Variants in CFAP20DC observed in about 807,000 individuals in gnomAD.
CFAP20DC encodes protein CFAP20DC.
A neutral mutation model predicts 101.7 loss-of-function variants in CFAP20DC; 84 were observed. That is an observed-to-expected ratio of 0.83 (90% CI 0.69 to 0.99). CFAP20DC has a LOEUF of 0.99. Ranked by LOEUF, CFAP20DC falls within the 50% of genes least tolerant of loss-of-function variation. The pLI is 0.00. For missense variants in CFAP20DC, 1,007 were observed against 970.3 expected (o/e 1.04, Z -0.50); for synonymous variants, 359 against 351.2 (o/e 1.02, Z -0.25).
chr3:58,765,841 C>T (rs1180438541), intron 15 of CFAP20DC, among the ~76,000 whole-genome samples: 1 of 152,086 alleles, frequency 6.6e-6, no homozygotes, highest in African/African-American at 2.4e-5. Context: ...TTTTAAAAAT[C>T]TTTTATGGCC....
chr3:59,024,328 T>C (rs1233704859), intron 4 of CFAP20DC, among the ~76,000 whole-genome samples: 1 of 152,148 alleles, frequency 6.6e-6, no homozygotes, highest in Non-Finnish European at 1.5e-5. Flanking sequence ...TATTGTAATA[T>C]CTGGGCAATG....
chr3:58,740,821 C>A (rs1190677978), downstream of CFAP20DC, among the ~76,000 whole-genome samples: 1 of 152,122 alleles, frequency 6.6e-6, no homozygotes, highest in Non-Finnish European at 1.5e-5. This position sits in a 1 kb window ranked among gnomAD's most constrained non-coding sequence, Gnocchi z 4.6. Flanking sequence ...AAAGCAGAAA[C>A]AAGGCCTTCC....
At chr3:58,849,894 T>A (rs1392157136) in intron 12 of CFAP20DC, among the ~76,000 whole-genome samples, 1 of 152,192 alleles carries the variant, frequency 6.6e-6, no homozygotes, top group Non-Finnish European at 1.5e-5. Context: ...TTTTACCTTA[T>A]TGTAGGGCAG....
chr3:58,934,061 T>C (rs994841876), intron 5 of CFAP20DC, among the ~76,000 whole-genome samples: 1 of 151,990 alleles, frequency 6.6e-6, no homozygotes, highest in East Asian at 1.9e-4. Context: ...AAGAATCAAA[T>C]AGGTGGAATA....
chr3:58,864,140 G>A lies in CFAP20DC; in HGVS notation c.1259-248C>T, dbSNP rs1305108339. 2.0e-5 allele frequency among the ~76,000 whole-genome samples: 3 copies of A among 152,036 alleles called. No homozygotes were observed. Among genetic ancestry groups the A allele is most frequent in the Non-Finnish European group, 4.4e-5 (3 of 68,024 alleles). On this transcript the variant is annotated intron_variant, in intron 11 of 16. Transcript: ENST00000482387. The surrounding 1 kb of genome is among the most constrained non-coding windows in gnomAD (Gnocchi z 4.7). ...TGCCCGGCTAATTTTTGTATTTTTA[G>A]TAGAGATGGGGTTTCACCATGTTGG...
rs1224286679 is a variant in CFAP20DC at position 58,891,226 on chromosome 3, C to T, written c.551-6517G>A. 9.9e-4 allele frequency among the ~76,000 whole-genome samples: 144 copies of T among 145,390 alleles called. 1 individual carries two copies. Among genetic ancestry groups the T allele is most frequent in the South Asian group, 3.3e-3 (15 of 4,486 alleles). Reference sequence around the variant, plus strand: ...TCACTCGCGGTTAGGGGCTGGAGACCGGCCCGGCCAACACAGCGAAACCCC... The same window carrying T: ...TCACTCGCGGTTAGGGGCTGGAGACTGGCCCGGCCAACACAGCGAAACCCC... On this transcript the variant is annotated intron_variant, in intron 6 of 16. Transcript: ENST00000482387.
At chr3:58,752,415 G>A (rs932872128) in intron 16 of CFAP20DC, among the ~76,000 whole-genome samples, 11 of 152,124 alleles carry the variant, frequency 7.2e-5, no homozygotes, top group Non-Finnish European at 1.5e-4. Flanking sequence ...TACAATGGAA[G>A]TTCTGTTTAG....
intron 13 of CFAP20DC, among the ~76,000 whole-genome samples, chr3:58,839,310 G>C (rs2076947126): frequency 2.0e-5 from 3 of 152,154 alleles, no homozygotes; most frequent in Admixed American, 2.0e-4. Context: ...ACACTGCTTT[G>C]TCACAATTTA....
intron 14 of CFAP20DC, among the ~76,000 whole-genome samples, chr3:58,822,529 T>G (rs1453954551): frequency 6.6e-6 from 1 of 151,400 alleles, no homozygotes; most frequent in African/African-American, 2.4e-5. Context: ...ATGGCACATG[T>G]ATACATATGT....
rs896790248 is a variant in CFAP20DC, at chr3:58,729,687, A to G, written c.198-12059T>C. On this transcript the variant is annotated intron_variant, in intron 3 of 3. Transcript: ENST00000486145. This position sits in a 1 kb window ranked among gnomAD's most constrained non-coding sequence, Gnocchi z 4.4. The stretch of plus-strand genomic sequence containing the variant: ...TGTATAAGCTTTTTAGTTGTTCCCA[A>G]TGCAAGGCCTGGTCTATACCAAATT... Among the ~76,000 whole-genome samples, 2 of 152,128 alleles carry G rather than the reference A, an allele frequency of 1.3e-5. No homozygotes were observed. The highest frequency in any genetic ancestry group is 1.3e-4 in the Admixed American group (2 of 15,272).
At chr3:58,816,072 G>A (rs1156903140) in intron 14 of CFAP20DC, among the ~76,000 whole-genome samples, 4 of 151,798 alleles carry the variant, frequency 2.6e-5, no homozygotes. Flanking sequence ...TATATTTATT[G>A]TGGCATTATT....
At chr3:58,801,293 T>C (rs568652602) in intron 15 of CFAP20DC, among the ~76,000 whole-genome samples, 2 of 152,276 alleles carry the variant, frequency 1.3e-5, no homozygotes, top group East Asian at 3.9e-4. Flanking sequence ...AAACAACAAC[T>C]GATGCCTTTG....
chr3:58,889,542 CTTTTTTTCT>C (rs976900842), intron 6 of CFAP20DC, among the ~76,000 whole-genome samples: 2 of 151,162 alleles, frequency 1.3e-5, no homozygotes, highest in Admixed American at 6.6e-5. Flanking sequence ...TTCTTTTTTT[CTTTTTTTCT>C]TTTTTTAAAT....
At chr3:58,981,457 T>C (rs1479637616) in intron 4 of CFAP20DC, among the ~76,000 whole-genome samples, 1 of 152,090 alleles carries the variant, frequency 6.6e-6, no homozygotes, top group African/African-American at 2.4e-5. Flanking sequence ...CTTCAAACTA[T>C]ACTACAAGGC....
intron 15 of CFAP20DC, among the ~76,000 whole-genome samples, chr3:58,800,329 G>C (rs1236631191): frequency 6.6e-6 from 1 of 152,192 alleles, no homozygotes; most frequent in Non-Finnish European, 1.5e-5. Flanking sequence ...ACAGAGAAAA[G>C]AGGCTGGATT....
At chr3:58,890,099 G>A (rs956664874) in intron 6 of CFAP20DC, among the ~76,000 whole-genome samples, 33 of 151,366 alleles carry the variant, frequency 2.2e-4, no homozygotes, top group African/African-American at 7.7e-4. Context: ...TGGCCGGGCA[G>A]AGGGGCTCTT....
In CFAP20DC at chr3:59,049,742, G is replaced by A; in HGVS notation, c.-111C>T. 8 of 1,338,020 alleles carry A rather than the reference G, an allele frequency of 6.0e-6. No homozygotes were observed. In the South Asian group the frequency reaches 1.1e-4, roughly 18 times the overall value. 82.9% of individuals were successfully genotyped at this position (1,338,020 alleles called of 1,614,324 possible). A position where few individuals can be genotyped will look rare whatever the true frequency, so the allele number is the denominator to read the frequency against. ...CGGGAACCCAGGAGCCCGACGGGTG[G>A]GAAAGGGCTTCGTGCTTGGCCCAGA... On this transcript the variant is annotated 5_prime_UTR_variant, in exon 1 of 17. Transcript: ENST00000482387.
intron 4 of CFAP20DC, among the ~76,000 whole-genome samples, chr3:58,958,588 G>C (rs776761032): frequency 1.3e-5 from 2 of 152,156 alleles, no homozygotes; most frequent in East Asian, 1.9e-4. Context: ...CAAAGTATGA[G>C]AGTTTCATTC....
intron 13 of CFAP20DC, among the ~76,000 whole-genome samples, chr3:58,843,695 C>T (rs1252069250): frequency 1.4e-4 from 21 of 150,188 alleles, no homozygotes; most frequent in Admixed American, 4.0e-4. Flanking sequence ...AAGAGCAACT[C>T]CAAGACACAT....
Sources: gnomAD v4.1 joint callset for allele counts (sites outside exome capture counted in the v4.1 genomes callset) on GRCh38, gnomAD v4.1.1 for gene constraint, Gnocchi (gnomAD v3.1) non-coding constraint, MANE v1.5 for transcripts, NCBI Gene and HGNC (gene_info 2026-07-23, HGNC 2026-07-21) for gene names.